The following ATP10A variants were observed in gnomAD, a reference collection of about 807,000 sequenced individuals.
The protein encoded by ATP10A is ATPase phospholipid transporting 10A (putative).
Under a neutral mutation model 147.8 loss-of-function variants are expected in ATP10A, and 111 were observed. The ratio of observed to expected loss-of-function variants is 0.75; its 90% CI spans 0.64 to 0.88. The LOEUF is 0.88. Among genes scored for constraint, ATP10A ranks in the 40% least tolerant of loss-of-function variants. The pLI, the probability that ATP10A is intolerant of heterozygous loss-of-function variation, is 0.00. For synonymous variants in ATP10A, 875 were observed against 841.6 expected, an observed-to-expected ratio of 1.04 and a Z score of -0.69; for missense variants, 1,927 against 1,959.0, an observed-to-expected ratio of 0.98 and a Z score of 0.31.
chr15:25,832,559 C>T (rs1463077535), intron 1 of ATP10A, among the ~76,000 whole-genome samples: 11 of 150,778 alleles, frequency 7.3e-5, no homozygotes, highest in Non-Finnish European at 1.2e-4. Flanking sequence ...TATGTAAATT[C>T]GTTTCCTTTT....
intron 1 of ATP10A, among the ~76,000 whole-genome samples, chr15:25,860,204 C>CT (rs1893696158): frequency 6.6e-6 from 1 of 152,114 alleles, no homozygotes; most frequent in Admixed American, 6.6e-5. Flanking sequence ...GTGCCATGAC[C>CT]CTGTCCACCC....
chr15:25,697,385 T>A (rs1327420405), intron 13 of ATP10A, among the ~76,000 whole-genome samples: 1 of 152,186 alleles, frequency 6.6e-6, no homozygotes, highest in African/African-American at 2.4e-5. Flanking sequence ...ATGCCCATGA[T>A]ACAATCCAAA....
In ATP10A at chr15:25,708,271, T is replaced by C; in HGVS notation, c.2374A>G (p.Ile792Val). The change falls in exon 11 of 21, where the codon ATT becomes GTT. Residue 792 changes from isoleucine to valine, a missense_variant. Ile to Val is a conservative substitution (Grantham distance 29). Transcript: ENST00000555815. ...AGGTAATTCTGAGTTTTGCTCCGAA[T>C]CTTTTTTTGATGCCTCCCTCTGGCG... ...VDARGRHQKK[I>V]RSKTQNYLNV... 1 of 1,614,206 alleles carries C rather than the reference T, an allele frequency of 6.2e-7. No individual in the cohort carries two copies. Among genetic ancestry groups the C allele is most frequent in the South Asian group, 1.1e-5 (1 of 91,086 alleles).
downstream of ATP10A, among the ~76,000 whole-genome samples, chr15:25,673,326 G>C (rs1178062525): frequency 2.0e-5 from 3 of 152,178 alleles, no homozygotes; most frequent in Non-Finnish European, 2.9e-5. Context: ...TTTCAAACAA[G>C]CGTCGAGGAG....
intron 1 of ATP10A, among the ~76,000 whole-genome samples, chr15:25,817,114 G>A (rs191822387): frequency 3.3e-5 from 5 of 151,696 alleles, no homozygotes; most frequent in East Asian, 3.9e-4. Context: ...ACAGAGTCTC[G>A]CTCTGTCACC....
At chr15:25,760,235 A>T (rs889176068) in intron 2 of ATP10A, among the ~76,000 whole-genome samples, 1 of 152,244 alleles carries the variant, frequency 6.6e-6, no homozygotes, top group Admixed American at 6.5e-5. Context: ...ACATGGGCTT[A>T]TCGAATATTT....
chr15:25,713,445 T>C (rs1901562793), intron 10 of ATP10A, among the ~76,000 whole-genome samples: 1 of 152,162 alleles, frequency 6.6e-6, no homozygotes, highest in African/African-American at 2.4e-5. Flanking sequence ...GACCCCCCAG[T>C]TCTTGGAGGT....
intron 1 of ATP10A, among the ~76,000 whole-genome samples, chr15:25,829,996 T>G (rs1240417156): frequency 6.6e-6 from 1 of 151,704 alleles, no homozygotes; most frequent in East Asian, 1.9e-4. Flanking sequence ...GGGGCCGGGG[T>G]GGAGGCAGGA....
Position 25,691,757 on chromosome 15 carries a change from C to T in ATP10A, c.3123G>A (p.Val1041=). Residue 1041 remains valine (V), a synonymous_variant, in exon 15 of 21, where the codon GTG becomes GTA. Coordinates refer to ENST00000555815, the MANE Select transcript of ATP10A (RefSeq NM_024490.4). The part of the protein sequence containing the change: ...DGANDVSMIQ[V]ADVGVGISGQ... ...CGGAGATTCCCACACCCACATCTGC[C>T]ACCTGGATCATGCTGACATCATTGG... 6.2e-7 allele frequency: 1 copy of T among 1,614,190 alleles called. No homozygotes were observed.
At chr15:25,700,929 T>TA (rs36021930) in intron 13 of ATP10A, among the ~76,000 whole-genome samples, 3,456 of 143,974 alleles carry the variant, frequency 0.024, 160 homozygotes, top group African/African-American at 0.083. Flanking sequence ...AGAGGTCACT[T>TA]AAAAAAAAAA....
chr15:25,742,418 GA>G (rs1182243642), intron 2 of ATP10A, among the ~76,000 whole-genome samples: 7 of 152,230 alleles, frequency 4.6e-5, no homozygotes, highest in Non-Finnish European at 1.0e-4. Flanking sequence ...TTTCTGAGCA[GA>G]AAGGCAGCTT....
intron 2 of ATP10A, among the ~76,000 whole-genome samples, chr15:25,746,917 G>A (rs1887870536): frequency 6.6e-6 from 1 of 152,060 alleles, no homozygotes; most frequent in African/African-American, 2.4e-5. Flanking sequence ...ATGTTCAGCT[G>A]GTAAGTGTAA....
chr15:25,816,448 A>C (rs1891657937), intron 1 of ATP10A, among the ~76,000 whole-genome samples: 2 of 152,198 alleles, frequency 1.3e-5, no homozygotes, highest in Admixed American at 1.3e-4. Flanking sequence ...ACGGTCCCTA[A>C]ATAATAAAAT....
chr15:25,703,686 A>G (rs1900803824), intron 12 of ATP10A, among the ~76,000 whole-genome samples: 1 of 152,188 alleles, frequency 6.6e-6, no homozygotes, highest in Non-Finnish European at 1.5e-5. Flanking sequence ...CATTTCTTAA[A>G]TATTCCTTTG....
intron 9 of ATP10A, among the ~76,000 whole-genome samples, chr15:25,715,998 C>T (rs541395949): frequency 2.8e-4 from 43 of 152,342 alleles, no homozygotes; most frequent in Non-Finnish European, 4.1e-4. Flanking sequence ...AGCTTTCACA[C>T]GTGCAACCTT....
At chr15:25,681,637 C>T (rs1390483832) in intron 17 of ATP10A, among the ~76,000 whole-genome samples, 2 of 152,122 alleles carry the variant, frequency 1.3e-5, no homozygotes, top group Admixed American at 6.5e-5. Context: ...TTTGGAGACG[C>T]GAGGCCCCAG....
Position 25,680,893 on chromosome 15 carries a change from C to G in ATP10A, c.3595G>C (p.Asp1199His). The G allele has an allele frequency of 1.2e-6, 2 of 1,614,104 alleles. No individual in the cohort carries two copies. Among genetic ancestry groups the G allele is most frequent in the Non-Finnish European group, 1.7e-6 (2 of 1,180,030 alleles). The change falls in exon 19 of 21, where the codon GAC becomes CAC. Residue 1199 changes from aspartate to histidine, a missense_variant. Transcript: ENST00000555815. ...PYLAYYDSNV[D>H]LFTWGTPIVT... Reference sequence around the variant, plus strand: ...ATAGGGGTCCCCCAGGTAAACAGGTCCACGTTCGAGTCATAGTAGGCCTGA... The same window carrying G: ...ATAGGGGTCCCCCAGGTAAACAGGTGCACGTTCGAGTCATAGTAGGCCTGA...
At chr15:25,862,145 C>T (rs1597015039) in intron 1 of ATP10A, 2 of 396,430 alleles carry the variant, frequency 5.0e-6, no homozygotes, top group East Asian at 1.6e-4. Flanking sequence ...GTACCTGGGC[C>T]GTGCCAGACA....
chr15:25,683,024 C>A (rs1043619747), intron 17 of ATP10A, among the ~76,000 whole-genome samples: 33 of 152,112 alleles, frequency 2.2e-4, no homozygotes, highest in African/African-American at 8.0e-4. Context: ...CTTCAGTGAT[C>A]CCCTGTGACT....
Sources: gnomAD v4.1 joint callset for allele counts (sites outside exome capture counted in the v4.1 genomes callset) on GRCh38, gnomAD v4.1.1 for gene constraint, MANE v1.5 for transcripts, NCBI Gene and HGNC (gene_info 2026-07-23, HGNC 2026-07-21) for gene names.